The following CACNA1B variants were observed in gnomAD, a reference collection of about 807,000 sequenced individuals.
The protein encoded by CACNA1B is calcium voltage-gated channel subunit alpha1 B, also known as voltage-dependent N-type calcium channel subunit alpha-1B.
CACNA1B carries 70 observed loss-of-function variants against 247.2 expected under a neutral mutation model. That is an observed-to-expected ratio of 0.28 (90% CI 0.23 to 0.35). The LOEUF (loss-of-function observed/expected upper bound fraction) is 0.35. CACNA1B is among the 10% of genes least tolerant of loss of function. The pLI is 1.00. For missense variants in CACNA1B, 2,367 were observed against 3,197.4 expected (o/e 0.74, Z 6.26); for synonymous variants, 1,231 against 1,294.4 (o/e 0.95, Z 1.05).
intron 39 of CACNA1B, among the ~76,000 whole-genome samples, chr9:138,108,032 A>G (rs1961494966): frequency 1.3e-5 from 2 of 148,916 alleles, no homozygotes; most frequent in Non-Finnish European, 1.5e-5. Flanking sequence ...AGAGGACAAA[A>G]AAAAAAAAAA....
intron 10 of CACNA1B, among the ~76,000 whole-genome samples, chr9:137,965,573 TTTTA>T (rs10586603): frequency 0.26 from 39,302 of 148,368 alleles, 5,559 homozygotes; most frequent in East Asian, 0.59. Context: ...TCCTACTTCA[TTTTA>T]TTTATTTATT....
chr9:137,902,542 C>G (rs925413144), intron 3 of CACNA1B, among the ~76,000 whole-genome samples: 7 of 152,160 alleles, frequency 4.6e-5, no homozygotes, highest in Admixed American at 6.5e-5. Context: ...TTAAATACCT[C>G]AAAGTTGTTT....
At chr9:138,110,068 G>A (rs1031941395) in intron 39 of CACNA1B, among the ~76,000 whole-genome samples, 5 of 151,566 alleles carry the variant, frequency 3.3e-5, no homozygotes, top group African/African-American at 9.7e-5. Flanking sequence ...GGAAAAAATC[G>A]ATAAATTGAA....
In CACNA1B at chr9:137,899,069, G is replaced by A. The variant is rs1489669441; in HGVS notation, c.531-14111G>A. On this transcript the variant is annotated intron_variant, in intron 3 of 46. Coordinates refer to ENST00000371372, the MANE Select transcript of CACNA1B (RefSeq NM_000718.4). This position sits in a 1 kb window ranked among gnomAD's most constrained non-coding sequence, Gnocchi z 5.0. ...TTGTAGGTGTGAGCCACCCTGCCTG[G>A]CCTTCTTTTTTCTCTCTTTCTTTCT... Among the ~76,000 whole-genome samples, 2 of 151,498 alleles carry A rather than the reference G, an allele frequency of 1.3e-5. No individual in the cohort carries two copies. Among genetic ancestry groups the A allele is most frequent in the Non-Finnish European group, 2.9e-5 (2 of 67,898 alleles).
intron 18 of CACNA1B, among the ~76,000 whole-genome samples, chr9:138,021,806 C>A (rs941159218): frequency 6.6e-6 from 1 of 152,202 alleles, no homozygotes; most frequent in Non-Finnish European, 1.5e-5. Flanking sequence ...GTGGGCACTG[C>A]GCCCAGAGCA....
rs562947050 is a variant in CACNA1B, at chr9:138,019,873, G to A, written c.2268-3138G>A. Among the ~76,000 whole-genome samples, 22 of 152,134 alleles carry A rather than the reference G, an allele frequency of 1.4e-4. 1 individual carries two copies. In the East Asian group the frequency reaches 3.1e-3, roughly 21 times the overall value. On this transcript the variant is annotated intron_variant, in intron 18 of 46. Coordinates refer to ENST00000371372, the MANE Select transcript of CACNA1B (RefSeq NM_000718.4). Reference sequence around the variant, plus strand: ...AGCACTTTGGGAGGCTGAGGTGGGCGGATTCCCTGAGCTCAGGAGTTCGAG... The same window carrying A: ...AGCACTTTGGGAGGCTGAGGTGGGCAGATTCCCTGAGCTCAGGAGTTCGAG...
At chr9:137,898,893 G>A (rs1957201423) in intron 3 of CACNA1B, among the ~76,000 whole-genome samples, 1 of 151,654 alleles carries the variant, frequency 6.6e-6, no homozygotes, top group South Asian at 2.1e-4. Flanking sequence ...ATGTTAGCCA[G>A]GATGTCTCGA....
intron 42 of CACNA1B, among the ~76,000 whole-genome samples, chr9:138,115,909 C>T (rs1961837326): frequency 6.6e-6 from 1 of 152,234 alleles, no homozygotes; most frequent in Admixed American, 6.5e-5. Context: ...TTCTCAGGGG[C>T]TGGCTTTGCT....
At position 137,990,505 on chromosome 9, in the gene CACNA1B, C is replaced by T. The variant is rs1325331386; in HGVS notation, c.1974+3651C>T. ...TCTCTACAGGACCTCAGCTGATGCT[C>T]TCTTGAAAGCGCCACCTCCTGGCTG... On this transcript the variant is annotated intron_variant, in intron 15 of 46. Transcript: ENST00000371372. This position sits in a 1 kb window ranked among gnomAD's most constrained non-coding sequence, Gnocchi z 4.5. Among the ~76,000 whole-genome samples the T allele has an allele frequency of 6.6e-6, 1 of 152,186 alleles. No homozygotes were observed. The highest frequency in any genetic ancestry group is 2.4e-5 in the African/African-American group (1 of 41,436).
At chr9:137,972,206 A>T (rs899062785) in intron 11 of CACNA1B, among the ~76,000 whole-genome samples, 5 of 152,218 alleles carry the variant, frequency 3.3e-5, no homozygotes, top group African/African-American at 1.2e-4. Flanking sequence ...GGTCTGTCAC[A>T]GCCTCGGACT....
intron 15 of CACNA1B, among the ~76,000 whole-genome samples, chr9:137,987,493 A>G (rs982970325): frequency 3.3e-5 from 5 of 152,166 alleles, no homozygotes; most frequent in Admixed American, 6.5e-5. Context: ...CTGTCCCATG[A>G]AACATACTTG....
chr9:137,907,532 C>T (rs142992456), intron 3 of CACNA1B, among the ~76,000 whole-genome samples: 1 of 152,172 alleles, frequency 6.6e-6, no homozygotes, highest in African/African-American at 2.4e-5. Context: ...AGTGGCAGCT[C>T]TTCGTTATTT....
At chr9:138,032,534 C>A in intron 20 of CACNA1B, 1 of 309,562 alleles carries the variant, frequency 3.2e-6, no homozygotes, top group Non-Finnish European at 6.3e-6. Context: ...TTTAGGGGAA[C>A]TTCCTTAGGC....
chr9:137,941,486 A>G (rs1957731766), intron 6 of CACNA1B, among the ~76,000 whole-genome samples: 1 of 152,204 alleles, frequency 6.6e-6, no homozygotes, highest in Non-Finnish European at 1.5e-5. Flanking sequence ...TAGAATCAAT[A>G]TTGTGAAAAT....
intron 15 of CACNA1B, among the ~76,000 whole-genome samples, chr9:137,996,116 A>C (rs1958497644): frequency 6.6e-6 from 1 of 152,230 alleles, no homozygotes. Flanking sequence ...AAAGAACTAA[A>C]AGTATATCTA....
At chr9:137,999,812 CA>C in intron 15 of CACNA1B, among the ~76,000 whole-genome samples, 1 of 152,092 alleles carries the variant, frequency 6.6e-6, no homozygotes, top group Middle Eastern at 3.4e-3. Flanking sequence ...CCTGGCTTAA[CA>C]AGTACTTATA....
At chr9:138,025,770 T>A (rs1400001018) in intron 20 of CACNA1B, among the ~76,000 whole-genome samples, 1 of 152,054 alleles carries the variant, frequency 6.6e-6, no homozygotes, top group Non-Finnish European at 1.5e-5. Flanking sequence ...GACCAAGATG[T>A]CATTCCTGTC....
rs1957939784 is a variant in CACNA1B at position 137,955,788 on chromosome 9, G to A, written c.1161G>A (p.Gly387=). The A allele has an allele frequency of 6.2e-7, 1 of 1,610,240 alleles. No individual in the cohort carries two copies. The highest frequency in any genetic ancestry group is 8.5e-7 in the Non-Finnish European group (1 of 1,178,122). ...RQQQIERELN[G]YLEWIFKAEE... The stretch of plus-strand genomic sequence containing the variant: ...AGCAGATCGAGCGAGAGCTCAACGG[G>A]TACCTGGAGTGGATCTTCAAGGCGG... Residue 387 remains glycine (G), a synonymous_variant, in exon 8 of 47, where the codon GGG becomes GGA. Transcript: ENST00000371372. This position sits in a 1 kb window ranked among gnomAD's most constrained non-coding sequence, Gnocchi z 6.9.
chr9:138,023,289 G>A lies in CACNA1B; in HGVS notation c.2546G>A (p.Arg849His). 5.3e-6 allele frequency: 8 copies of A among 1,516,288 alleles called. No individual in the cohort carries two copies. The highest frequency in any genetic ancestry group is 7.0e-6 in the Non-Finnish European group (8 of 1,140,242). The allele number at this position is 1,516,288 out of a possible 1,614,324, so 93.9% of individuals were successfully genotyped here. A position where few individuals can be genotyped will look rare whatever the true frequency, so the allele number is the denominator to read the frequency against. The change falls in exon 19 of 47, where the codon CGC (arginine) becomes CAC (histidine). Residue 849 changes from arginine to histidine, a missense_variant. By Grantham distance (29) the Arg-to-His change is conservative. Around this residue, in one of 12 missense-constraint regions of CACNA1B, gnomAD observed 631 missense variants for 631.1 expected, o/e 1.00. Transcript: ENST00000371372. ...AEAPEGVDPP[R>H]RHHRHRDKDK... is the part of the protein sequence containing the mutation. The stretch of plus-strand genomic sequence containing the variant: ...GCCCCCGAGGGCGTCGACCCTCCGC[G>A]CAGGCACCACCGGCACCGCGACAAG...
Sources: gnomAD v4.1 joint callset for allele counts (sites outside exome capture counted in the v4.1 genomes callset) on GRCh38, gnomAD v4.1.1 for gene constraint, gnomAD v4.1.1 regional missense constraint, Gnocchi (gnomAD v3.1) non-coding constraint, MANE v1.5 for transcripts, NCBI Gene and HGNC (gene_info 2026-07-23, HGNC 2026-07-21) for gene names.